CCDC7: variants seen among roughly 807,000 people sequenced by gnomAD.
CCDC7 encodes coiled-coil domain-containing protein 7.
In CCDC7, 183 loss-of-function variants were observed where a neutral mutation model predicts 196.9. The ratio of observed to expected loss-of-function variants is 0.93; its 90% CI spans 0.82 to 1.05. The LOEUF (loss-of-function observed/expected upper bound fraction) is 1.05, where lower values mean the gene tolerates loss of function less well. Among genes scored for constraint, CCDC7 ranks in the 50% least tolerant of loss-of-function variants. CCDC7 has a pLI of 0.00. For synonymous variants in CCDC7, 525 were observed against 484.6 expected (o/e 1.08, Z -1.10); for missense variants, 1,540 against 1,482.2 (o/e 1.04, Z -0.64).
chr10:32,586,368 CTTTAGTTTAATTAGATCTTATTTGTCAA>C (rs1459153556), intron 18 of CCDC7, among the ~76,000 whole-genome samples: 2 of 152,092 alleles, frequency 1.3e-5, no homozygotes, highest in Non-Finnish European at 2.9e-5. Context: ...TGCAGAAACT[CTTTAGTTTAATTAGATCTTATTTGTCAA>C]TTTTGGCTTT....
chr10:32,570,431 A>G (rs922426094), intron 15 of CCDC7, among the ~76,000 whole-genome samples: 1 of 152,228 alleles, frequency 6.6e-6, no homozygotes, highest in African/African-American at 2.4e-5. Context: ...GTTAGTATAT[A>G]GGATAACTAT....
chr10:32,604,919 T>A (rs2061416209), intron 18 of CCDC7, among the ~76,000 whole-genome samples: 1 of 152,158 alleles, frequency 6.6e-6, no homozygotes, highest in Admixed American at 6.5e-5. Flanking sequence ...TTTTATTTCT[T>A]TCTCTTGCCT....
At chr10:32,593,936 G>C (rs1399587778) in intron 18 of CCDC7, among the ~76,000 whole-genome samples, 2 of 152,140 alleles carry the variant, frequency 1.3e-5, no homozygotes, top group South Asian at 2.1e-4. Flanking sequence ...GTACCATGCT[G>C]TTTTGGTTAC....
chr10:32,571,021 T>TTC (rs2057480302), intron 15 of CCDC7, among the ~76,000 whole-genome samples: 1 of 150,946 alleles, frequency 6.6e-6, no homozygotes, highest in Non-Finnish European at 1.5e-5. Flanking sequence ...TTTTTTTTTT[T>TTC]TTGAGAGAGA....
At chr10:32,831,744 A>G (rs1237530125) in intron 32 of CCDC7, among the ~76,000 whole-genome samples, 1 of 152,132 alleles carries the variant, frequency 6.6e-6, no homozygotes, top group Non-Finnish European at 1.5e-5. Context: ...AAAGTAACAC[A>G]CGTGAAGCTT....
intron 18 of CCDC7, among the ~76,000 whole-genome samples, chr10:32,627,435 T>C (rs2064212419): frequency 2.6e-5 from 4 of 151,966 alleles, no homozygotes; most frequent in Admixed American, 2.0e-4. Context: ...TTTTTATGTA[T>C]AATATTATAT....
chr10:32,524,186 C>A (rs112255834), intron 11 of CCDC7, among the ~76,000 whole-genome samples: 6 of 151,524 alleles, frequency 4.0e-5, no homozygotes, highest in Middle Eastern at 3.2e-3. Flanking sequence ...ATGAGGCTTG[C>A]AAGTACTATC....
chr10:32,831,455 A>G (rs1041348346), intron 32 of CCDC7, among the ~76,000 whole-genome samples: 1 of 152,184 alleles, frequency 6.6e-6, no homozygotes, highest in African/African-American at 2.4e-5. Context: ...GCTTACTGTA[A>G]CTTTTTAACT....
chr10:32,777,597 C>T (rs2080287034), intron 28 of CCDC7, among the ~76,000 whole-genome samples: 1 of 152,070 alleles, frequency 6.6e-6, no homozygotes, highest in Non-Finnish European at 1.5e-5. Context: ...TGGCTCATGC[C>T]TGTCATCCCA....
chr10:32,750,543 A>G (rs2075499975), intron 28 of CCDC7, among the ~76,000 whole-genome samples: 1 of 152,198 alleles, frequency 6.6e-6, no homozygotes, highest in African/African-American at 2.4e-5. Flanking sequence ...GTACATGCCC[A>G]CTGCTGTGAT....
chr10:32,830,121 G>GATATATATATATATATATATATAT, intron 32 of CCDC7, among the ~76,000 whole-genome samples: 1,411 of 50,134 alleles, frequency 0.028, 187 homozygotes, highest in East Asian at 0.047. Flanking sequence ...TATATATAAG[G>GATATATATATATATATATATATAT]ATATATATAT....
chr10:32,476,665 G>T (rs2039033226), intron 8 of CCDC7, among the ~76,000 whole-genome samples: 1 of 152,172 alleles, frequency 6.6e-6, no homozygotes, highest in Non-Finnish European at 1.5e-5. Flanking sequence ...GTACCATTTT[G>T]CATTCCCCCC....
At chr10:32,871,673 G>T (rs1008033315) in intron 41 of CCDC7, among the ~76,000 whole-genome samples, 1 of 151,864 alleles carries the variant, frequency 6.6e-6, no homozygotes, top group African/African-American at 2.4e-5. Flanking sequence ...TGCTTCTCTC[G>T]TTCTTTTAAT....
At chr10:32,672,224 G>C (rs751404488) in intron 21 of CCDC7, among the ~76,000 whole-genome samples, 1 of 152,160 alleles carries the variant, frequency 6.6e-6, no homozygotes, top group Non-Finnish European at 1.5e-5. Flanking sequence ...CTGTGAAATA[G>C]CTGGGCAGCT....
chr10:32,697,979 G>T (rs187493125), intron 24 of CCDC7, among the ~76,000 whole-genome samples: 1 of 152,186 alleles, frequency 6.6e-6, no homozygotes, highest in Non-Finnish European at 1.5e-5. Flanking sequence ...AGCTTCCAGA[G>T]GAAGGATCAG....
At chr10:32,738,763 C>T (rs11009057) in intron 28 of CCDC7, among the ~76,000 whole-genome samples, 13,416 of 152,092 alleles carry the variant, frequency 0.088, 860 homozygotes, top group East Asian at 0.33. Context: ...CAAGAGCCAC[C>T]ATTCCTGGAG....
intron 20 of CCDC7, among the ~76,000 whole-genome samples, chr10:32,647,643 GTGTC>G (rs1481151827): frequency 6.6e-6 from 1 of 152,024 alleles, no homozygotes; most frequent in East Asian, 1.9e-4. Flanking sequence ...TTTTTGATAA[GTGTC>G]TGTTCATGTC....
chr10:32,749,960 T>A (rs1166589996), intron 28 of CCDC7, among the ~76,000 whole-genome samples: 1 of 152,156 alleles, frequency 6.6e-6, no homozygotes, highest in East Asian at 1.9e-4. Context: ...AATAGTTATA[T>A]TGATTTTAAG....
chr10:32,477,217 T>A (rs1222631345), intron 8 of CCDC7, among the ~76,000 whole-genome samples: 1 of 151,874 alleles, frequency 6.6e-6, no homozygotes, highest in Admixed American at 6.6e-5. Flanking sequence ...TGAGTTAATT[T>A]TTTTTTTTTT....
Sources: allele counts gnomAD v4.1 joint callset (sites outside exome capture counted in the v4.1 genomes callset), GRCh38; gene constraint gnomAD v4.1.1; transcripts MANE v1.5; gene names NCBI Gene and HGNC (gene_info 2026-07-23, HGNC 2026-07-21).